The following USP10 variants were observed in gnomAD, a reference collection of about 807,000 sequenced individuals.
USP10 encodes ubiquitin carboxyl-terminal hydrolase 10.
Under a neutral mutation model 84.5 loss-of-function variants are expected in USP10, and 22 were observed. The observed-to-expected ratio is 0.26, with a 90% CI of 0.19 to 0.37. The LOEUF (loss-of-function observed/expected upper bound fraction) is 0.37, where lower values mean the gene tolerates loss of function less well. Among genes scored for constraint, USP10 ranks in the 10% least tolerant of loss-of-function variants. The pLI, the probability that USP10 is intolerant of heterozygous loss-of-function variation, is 1.00. For synonymous variants in USP10, 454 were observed against 387.6 expected, an observed-to-expected ratio of 1.17 and a Z score of -2.01; for missense variants, 1,019 against 998.9, an observed-to-expected ratio of 1.02 and a Z score of -0.27.
intron 6 of USP10, 156 bp from the exon 7 acceptor site, chr16:84,759,735 T>C: frequency 1.3e-6 from 1 of 778,010 alleles, no homozygotes; most frequent in South Asian, 1.7e-5. Context: ...CAAAAATGCA[T>C]ATAGAAGAGA....
chr16:84,703,234 G>A (rs1905113283), intron 1 of USP10, among the ~76,000 whole-genome samples: 1 of 151,780 alleles, frequency 6.6e-6, no homozygotes, highest in Non-Finnish European at 1.5e-5. Flanking sequence ...TGTCACTGAG[G>A]GGACCGGTTA....
At chr16:84,731,447 T>C (rs1326986993) in intron 1 of USP10, among the ~76,000 whole-genome samples, 1 of 152,240 alleles carries the variant, frequency 6.6e-6, no homozygotes, top group South Asian at 2.1e-4. Flanking sequence ...GTGTTTCTTG[T>C]ATTTTACTTC....
At chr16:84,771,712 T>C (rs1358511300) in intron 11 of USP10, among the ~76,000 whole-genome samples, 6 of 151,984 alleles carry the variant, frequency 3.9e-5, no homozygotes, top group Admixed American at 2.6e-4. Flanking sequence ...TTACTAAAAA[T>C]ACAAAATTAG....
chr16:84,759,698 T>C, intron 6 of USP10, 193 bp from the exon 7 acceptor site: 1 of 686,258 alleles, frequency 1.5e-6, no homozygotes, highest in Non-Finnish European at 2.5e-6. Context: ...TTTTAGCGTT[T>C]ACCAGCATAT....
chr16:84,745,330 A>G lies in USP10; in HGVS notation c.849A>G (p.Gly283=). Residue 283 remains glycine, a synonymous_variant, in exon 4 of 14, where the codon GGA becomes GGG. Transcript: ENST00000219473. The part of the protein sequence containing the change: ...CVGTDTTENL[G]VANGQILESS... ...GTACCGATACTACTGAAAACCTTGG[A>G]GTTGCTAATGGACAAATACTTGAAT... is the stretch of plus-strand genomic sequence containing the variant. 1 of 1,613,050 alleles carries G rather than the reference A, an allele frequency of 6.2e-7. No homozygotes were observed. Among genetic ancestry groups the G allele is most frequent in the Non-Finnish European group, 8.5e-7 (1 of 1,179,728 alleles).
intron 1 of USP10, among the ~76,000 whole-genome samples, chr16:84,730,240 C>G (rs909153680): frequency 6.6e-6 from 1 of 152,076 alleles, no homozygotes; most frequent in Non-Finnish European, 1.5e-5. Context: ...TATTAACAAA[C>G]ACAAATATGT....
Position 84,759,470 on chromosome 16 carries a change from C to T in USP10, c.1392C>T (p.Ser464=), listed in dbSNP as rs769583103. ...GTACGTCAACACCCATGATAGACAG[C>T]TTGTAAGTAAGGTGGTGAAAGATGT... is the stretch of plus-strand genomic sequence containing the variant. ...RPCTSTPMID[S]FVRLMNEFTN... is the part of the protein sequence containing the mutation. Residue 464 remains serine (S), a splice_region_variant and synonymous_variant, in exon 6 of 14, where the codon AGC becomes AGT. Coordinates refer to ENST00000219473, the MANE Select transcript of USP10 (RefSeq NM_005153.3). The T allele has an allele frequency of 3.7e-6, 6 of 1,613,270 alleles. No homozygotes were observed. In the African/African-American group the frequency reaches 4.0e-5, roughly 11 times the overall value.
chr16:84,759,299 G>T (rs1036309016), intron 5 of USP10, 64 bp from the exon 6 acceptor site: 3 of 1,446,374 alleles, frequency 2.1e-6, no homozygotes, highest in Non-Finnish European at 2.9e-6. Flanking sequence ...TGTGCTTCAT[G>T]TGCCTTCAGG....
intron 3 of USP10, among the ~76,000 whole-genome samples, chr16:84,742,674 CT>C (rs1234248987): frequency 6.6e-6 from 1 of 152,218 alleles, no homozygotes; most frequent in Non-Finnish European, 1.5e-5. Context: ...CTTCGTCTGC[CT>C]GGCACATTGG....
chr16:84,727,963 T>A (rs1908723414), intron 1 of USP10, among the ~76,000 whole-genome samples: 1 of 152,240 alleles, frequency 6.6e-6, no homozygotes, highest in South Asian at 2.1e-4. Context: ...GGATCCAGTC[T>A]AGGGTCAGGA....
chr16:84,727,459 AAAAC>A (rs138251432), intron 1 of USP10, among the ~76,000 whole-genome samples: 45,986 of 148,370 alleles, frequency 0.31, 8,125 homozygotes, highest in Non-Finnish European at 0.42. Flanking sequence ...TAGCTTTAAA[AAAAC>A]AAACAAACAA....
chr16:84,747,147 C>G (rs60131277), intron 4 of USP10, among the ~76,000 whole-genome samples: 4,885 of 152,252 alleles, frequency 0.032, 234 homozygotes, highest in African/African-American at 0.11. Flanking sequence ...ACCTAAGAAG[C>G]AGAAGCTGTG....
chr16:84,764,939 A>ATATATATATATAT (rs1555548055), intron 10 of USP10, among the ~76,000 whole-genome samples: 126 of 132,264 alleles, frequency 9.5e-4, no homozygotes, highest in Admixed American at 1.4e-3. Context: ...GAGAAAAAAA[A>ATATATATATATAT]ATATATATAT....
chr16:84,717,039 G>C lies in USP10; in HGVS notation c.22-16396G>C, dbSNP rs529384499. On this transcript the variant is annotated intron_variant, in intron 1 of 13. Transcript: ENST00000219473. ...CAGTGCTTCTCAAACTTAAAAGTCCGTTGAGAATCAGCTGCGGGTCTTGTG... is the reference window on the plus strand; with the variant it reads ...CAGTGCTTCTCAAACTTAAAAGTCCCTTGAGAATCAGCTGCGGGTCTTGTG... Among the ~76,000 whole-genome samples, 3 of 152,188 alleles carry C rather than the reference G, an allele frequency of 2.0e-5. No homozygotes were observed. The South Asian group carries it at 6.2e-4, about 32-fold the overall frequency.
At chr16:84,707,543 G>A (rs8045120) in intron 1 of USP10, among the ~76,000 whole-genome samples, 3 of 152,008 alleles carry the variant, frequency 2.0e-5, no homozygotes, top group South Asian at 2.1e-4. Flanking sequence ...TTGTTGTTCC[G>A]TTGTTTCATA....
rs539617250 is a variant in USP10 at position 84,711,981 on chromosome 16, A to G, written c.21+11870A>G. Among the ~76,000 whole-genome samples, 147 of 152,080 alleles carry G rather than the reference A, an allele frequency of 9.7e-4. 1 individual carries two copies. The highest frequency in any genetic ancestry group is 1.8e-3 in the Non-Finnish European group (123 of 67,974). ...GTGATCCGCCTGCCTCAGCCTCCCAATGTACTGGGGTTACAGGCATGAGCC... is the reference window on the plus strand; with the variant it reads ...GTGATCCGCCTGCCTCAGCCTCCCAGTGTACTGGGGTTACAGGCATGAGCC... On this transcript the variant is annotated intron_variant, in intron 1 of 13. Transcript: ENST00000219473.
chr16:84,750,404 C>CAAA lies in USP10; in HGVS notation c.1192+4746_1192+4748dup, dbSNP rs71151245. On this transcript the variant is annotated intron_variant, in intron 4 of 13. Transcript: ENST00000219473. ...CCTGGGCCACAGAGTGAGACTGTCT[C>CAAA]AAAAAAAAAAAAAAAAACCCAAAAC... Among the ~76,000 whole-genome samples, 910 of 106,120 alleles carry CAAA rather than the reference C, an allele frequency of 8.6e-3. 14 individuals are homozygous for CAAA. The highest frequency in any genetic ancestry group is 0.017 in the South Asian group (53 of 3,192). 69.6% of individuals were successfully genotyped at this position (106,120 alleles called of 152,430 possible).
intron 1 of USP10, among the ~76,000 whole-genome samples, chr16:84,709,586 GATC>G (rs1906010149): frequency 1.3e-5 from 2 of 152,088 alleles, no homozygotes; most frequent in South Asian, 4.2e-4. Context: ...GCCATAAGGA[GATC>G]ATTTAGGGCA....
At chr16:84,719,476 C>T (rs1393907632) in intron 1 of USP10, among the ~76,000 whole-genome samples, 1 of 152,162 alleles carries the variant, frequency 6.6e-6, no homozygotes, top group Non-Finnish European at 1.5e-5. Flanking sequence ...ACCACTGAAG[C>T]CAGAATTGTT....
Sources: allele counts gnomAD v4.1 joint callset (sites outside exome capture counted in the v4.1 genomes callset), GRCh38; gene constraint gnomAD v4.1.1; transcripts MANE v1.5; gene names NCBI Gene and HGNC (gene_info 2026-07-23, HGNC 2026-07-21).